The following PATL2 variants were observed in gnomAD, a reference collection of about 807,000 sequenced individuals.
The protein encoded by PATL2 is PAT1 homolog 2.
PATL2 carries 73 observed loss-of-function variants against 77.0 expected under a neutral mutation model. The ratio of observed to expected loss-of-function variants is 0.95; its 90% CI spans 0.78 to 1.15. The LOEUF is 1.15. Ranked by LOEUF, PATL2 falls within the 50% of genes most tolerant of loss-of-function variation. The pLI is 0.00. For synonymous variants in PATL2, 265 were observed against 257.1 expected (o/e 1.03, Z -0.29); for missense variants, 618 against 655.4 (o/e 0.94, Z 0.62).
At chr15:44,667,051 A>G in intron 16 of PATL2, 55 bp downstream of exon 16, 1 of 1,337,602 alleles carries the variant, frequency 7.5e-7, no homozygotes, top group South Asian at 1.3e-5. Flanking sequence ...CACCTGGCTC[A>G]GTCTGCACAT....
chr15:44,675,971 C>A, intron 4 of PATL2: 1 of 436,356 alleles, frequency 2.3e-6, no homozygotes. Context: ...CATTTGGGCC[C>A]AGGAGTTTGA....
At chr15:44,685,267 C>G (rs760877129) in intron 3 of PATL2, among the ~76,000 whole-genome samples, 7 of 152,122 alleles carry the variant, frequency 4.6e-5, no homozygotes, top group Non-Finnish European at 1.0e-4. Context: ...TAAATGTAAA[C>G]AGGCTAAATG....
intron 9 of PATL2, among the ~76,000 whole-genome samples, chr15:44,670,996 A>G (rs1052425778): frequency 2.0e-5 from 3 of 152,250 alleles, no homozygotes; most frequent in Non-Finnish European, 4.4e-5. Flanking sequence ...TGACAAGCCA[A>G]ACAAGGATTT....
chr15:44,701,269 T>TA (rs757733367), intron 3 of PATL2, among the ~76,000 whole-genome samples: 21 of 152,084 alleles, frequency 1.4e-4, no homozygotes, highest in Admixed American at 2.0e-4. Context: ...TTTTTTTTTT[T>TA]ATGTGTCTGT....
In PATL2 at chr15:44,670,070, T is replaced by C. The variant is rs373771356; in HGVS notation, c.675A>G (p.Leu225=). 34 of 1,551,634 alleles carry C rather than the reference T, an allele frequency of 2.2e-5. 1 individual carries two copies. Among genetic ancestry groups the C allele is most frequent in the East Asian group, 2.0e-4 (8 of 40,924 alleles). Residue 225 remains leucine (L), a synonymous_variant, in exon 10 of 18, where the codon CTA becomes CTG. Coordinates refer to ENST00000682850, the MANE Select transcript of PATL2 (RefSeq NM_001387263.1). ...DYYYQEYYQK[L]EKKQADEELL... ...GCTCTTCGTCTGCCTGCTTCTTCTCTAGCTTCTGGTAATATTCCTGAGAAT... is the reference window on the plus strand; with the variant it reads ...GCTCTTCGTCTGCCTGCTTCTTCTCCAGCTTCTGGTAATATTCCTGAGAAT...
rs1390952072 is a variant in PATL2, at chr15:44,666,551, A to G, written c.1464-10T>C. Reference sequence around the variant, plus strand: ...AACCACCATGTCTGTCCTAGAGAGCATAAATATAAATATAAGCAAATAGAT... The same window carrying G: ...AACCACCATGTCTGTCCTAGAGAGCGTAAATATAAATATAAGCAAATAGAT... On this transcript the variant is annotated splice_polypyrimidine_tract_variant and intron_variant, in intron 16 of 17. Transcript: ENST00000682850. 14 of 1,498,484 alleles carry G rather than the reference A, an allele frequency of 9.3e-6. No homozygotes were observed. The highest frequency in any genetic ancestry group is 2.6e-5 in the Admixed American group (1 of 39,078). The allele number at this position is 1,498,484 out of a possible 1,614,324, so 92.8% of individuals were successfully genotyped here. A position where few individuals can be genotyped will look rare whatever the true frequency, so the allele number is the denominator to read the frequency against.
At chr15:44,666,988 C>G in intron 16 of PATL2, 118 bp downstream of exon 16, 1 of 798,954 alleles carries the variant, frequency 1.3e-6, no homozygotes, top group Non-Finnish European at 2.0e-6. Context: ...ACTGCTACTA[C>G]TTTCTCTATC....
At chr15:44,701,504 T>C (rs2086628379) in intron 3 of PATL2, among the ~76,000 whole-genome samples, 1 of 151,834 alleles carries the variant, frequency 6.6e-6, no homozygotes, top group South Asian at 2.1e-4. Flanking sequence ...GAGACCAGCC[T>C]GGCTAACATG....
chr15:44,699,618 G>T (rs1032937189), intron 3 of PATL2, among the ~76,000 whole-genome samples: 4 of 152,142 alleles, frequency 2.6e-5, no homozygotes, highest in African/African-American at 7.2e-5. Flanking sequence ...GATTACAGGT[G>T]TGAGCCACCA....
chr15:44,679,688 G>A (rs375820626), intron 3 of PATL2, among the ~76,000 whole-genome samples: 1 of 151,388 alleles, frequency 6.6e-6, no homozygotes, highest in African/African-American at 2.4e-5. Context: ...CACTGCGTCC[G>A]GCCCTTTGTC....
intron 3 of PATL2, among the ~76,000 whole-genome samples, chr15:44,684,216 GC>G (rs2086200597): frequency 6.6e-6 from 1 of 152,046 alleles, no homozygotes; most frequent in Admixed American, 6.5e-5. Context: ...ACTCCTTCCA[GC>G]AAGGGAACAA....
At chr15:44,673,548 C>A (rs1398902198) in intron 6 of PATL2, among the ~76,000 whole-genome samples, 171 bp from the exon 7 acceptor site, 1 of 152,208 alleles carries the variant, frequency 6.6e-6, no homozygotes, top group East Asian at 1.9e-4. Flanking sequence ...ACTATGGTTC[C>A]TGCCCTTGTT....
Position 44,668,323 on chromosome 15 carries a change from A to G in PATL2, c.1365+19T>C. ...AACCTGAAAGCCATCTATGGAAAAAAGCCTCCTAGACATGTTACCTGATTC... is the reference window on the plus strand; with the variant it reads ...AACCTGAAAGCCATCTATGGAAAAAGGCCTCCTAGACATGTTACCTGATTC... On this transcript the variant is annotated intron_variant, in intron 15 of 17. Transcript: ENST00000682850. 1 of 1,543,804 alleles carries G rather than the reference A, an allele frequency of 6.5e-7. No individual in the cohort carries two copies. The highest frequency in any genetic ancestry group is 8.7e-7 in the Non-Finnish European group (1 of 1,144,606).
At chr15:44,688,510 A>C (rs1421552771) in intron 3 of PATL2, among the ~76,000 whole-genome samples, 1 of 152,160 alleles carries the variant, frequency 6.6e-6, no homozygotes, top group Non-Finnish European at 1.5e-5. Context: ...ATCAAAACAG[A>C]TATATCGACC....
chr15:44,675,300 G>C lies in PATL2; in HGVS notation c.222+186C>G. ...TTAAGGCGAGAACAGCATCAGAAAT[G>C]AAGTGGGAGACAGGAGAAAGAGGGA... On this transcript the variant is annotated intron_variant, in intron 5 of 17. Coordinates refer to ENST00000682850, the MANE Select transcript of PATL2 (RefSeq NM_001387263.1). The C allele has an allele frequency of 4.5e-6, 3 of 662,880 alleles. No individual in the cohort carries two copies. The South Asian group carries it at 6.4e-5, about 14-fold the overall frequency. 41.1% of individuals were successfully genotyped at this position (662,880 alleles called of 1,614,324 possible).
chr15:44,685,311 T>C (rs769074135), intron 3 of PATL2, among the ~76,000 whole-genome samples: 47 of 152,162 alleles, frequency 3.1e-4, no homozygotes, highest in Non-Finnish European at 5.9e-4. Flanking sequence ...GCAAACTGGA[T>C]AAAAAGTCAA....
rs1238382216 is a variant in PATL2 at position 44,665,890 on chromosome 15, A to C, written c.*63T>G. Reference sequence around the variant, plus strand: ...AGACTCTCTGGATCCCTGTAAACATAGTCTATGTAGCTAGTGTCTGATGAT... The same window carrying C: ...AGACTCTCTGGATCCCTGTAAACATCGTCTATGTAGCTAGTGTCTGATGAT... On this transcript the variant is annotated 3_prime_UTR_variant, in exon 18 of 18. Transcript: ENST00000682850. 7 of 1,550,376 alleles carry C rather than the reference A, an allele frequency of 4.5e-6. No homozygotes were observed. The East Asian group carries it at 1.7e-4, about 38-fold the overall frequency.
At chr15:44,667,595 G>A (rs546054959) in intron 15 of PATL2, among the ~76,000 whole-genome samples, 14 of 152,294 alleles carry the variant, frequency 9.2e-5, no homozygotes, top group African/African-American at 3.4e-4. Context: ...TTAGAAGAGA[G>A]CATCAAAATT....
intron 3 of PATL2, among the ~76,000 whole-genome samples, chr15:44,693,856 T>C (rs887892411): frequency 4.6e-5 from 7 of 151,892 alleles, no homozygotes; most frequent in African/African-American, 1.7e-4. Context: ...TGTGCCACCA[T>C]GCCCGGGTAA....
Sources: gnomAD v4.1 joint callset for allele counts (sites outside exome capture counted in the v4.1 genomes callset) on GRCh38, gnomAD v4.1.1 for gene constraint, MANE v1.5 for transcripts, NCBI Gene and HGNC (gene_info 2026-07-23, HGNC 2026-07-21) for gene names.